The following ELMO2 variants were observed in gnomAD, a reference collection of about 807,000 sequenced individuals.
The protein encoded by ELMO2 is engulfment and cell motility protein 2.
In ELMO2, 37 loss-of-function variants were observed where a neutral mutation model predicts 96.2. That is an observed-to-expected ratio of 0.38 (90% CI 0.30 to 0.51). The LOEUF is 0.51. ELMO2 is among the 20% of genes least tolerant of loss of function. The pLI is 0.88. For synonymous variants in ELMO2, 315 were observed against 329.4 expected, an observed-to-expected ratio of 0.96 and a Z score of 0.47; for missense variants, 561 against 912.6, an observed-to-expected ratio of 0.61 and a Z score of 4.96.
At position 46,367,399 on chromosome 20, in the gene ELMO2, C is replaced by A; in HGVS notation, c.2124G>T (p.Lys708Asn). 6.2e-7 allele frequency: 1 copy of A among 1,604,488 alleles called. No homozygotes were observed. Among genetic ancestry groups the A allele is most frequent in the Non-Finnish European group, 8.5e-7 (1 of 1,175,998 alleles). The change falls in exon 22 of 22, where the codon AAG becomes AAT. Residue 708 changes from lysine (K) to asparagine (N), a missense_variant. Coordinates refer to ENST00000290246, the MANE Select transcript of ELMO2 (RefSeq NM_133171.5). ...QIPEAPPPIP[K>N]EPSSYDFVYH... Reference sequence around the variant, plus strand: ...AGACAAAGTCATAGCTGCTGGGCTCCTTGGGGATGGGGGGTGGGGCTTCGG... The same window carrying A: ...AGACAAAGTCATAGCTGCTGGGCTCATTGGGGATGGGGGGTGGGGCTTCGG...
At chr20:46,390,627 T>C (rs546228103) in intron 6 of ELMO2, 23 of 152,368 alleles carry the variant, frequency 1.5e-4, no homozygotes, top group African/African-American at 5.5e-4. Context: ...CATTACTACA[T>C]AGTGCCTCAC....
chr20:46,386,165 G>T lies in ELMO2; in HGVS notation c.636C>A (p.Ala212=), dbSNP rs201990540. 6.2e-7 allele frequency: 1 copy of T among 1,613,968 alleles called. No individual in the cohort carries two copies. Among genetic ancestry groups the T allele is most frequent in the South Asian group, 1.1e-5 (1 of 91,084 alleles). The change falls in exon 9 of 22, where the codon GCC becomes GCA. Residue 212 remains alanine, a synonymous_variant. Transcript: ENST00000290246. ...TGAGCTGTCCCACGGTGATTTCCTC[G>T]GCTATCTTCTGGTACAGACTCTGGC... ...LNSQSLYQKI[A]EEITVGQLIS...
intron 2 of ELMO2, among the ~76,000 whole-genome samples, chr20:46,398,358 G>A (rs1443875213): frequency 1.3e-5 from 2 of 151,964 alleles, no homozygotes; most frequent in African/African-American, 2.4e-5. Context: ...TGTCGCCTAG[G>A]CTGAAGTGCA....
At chr20:46,405,861 G>GA (rs1343412415) in intron 1 of ELMO2, among the ~76,000 whole-genome samples, 1 of 152,170 alleles carries the variant, frequency 6.6e-6, no homozygotes, top group Non-Finnish European at 1.5e-5. Context: ...TCCAGCCTGG[G>GA]CGGCAGAGCG....
At chr20:46,369,459 C>A (rs1027140020) in intron 20 of ELMO2, 1 of 155,080 alleles carries the variant, frequency 6.4e-6, no homozygotes. Context: ...CATTTATTCT[C>A]GTTTCCTATA....
intron 6 of ELMO2, among the ~76,000 whole-genome samples, chr20:46,391,043 C>G (rs752000677): frequency 6.6e-6 from 1 of 152,228 alleles, no homozygotes; most frequent in Admixed American, 6.5e-5. Flanking sequence ...CCTCCCGCTC[C>G]AGAGAGATGT....
At chr20:46,405,735 T>TTAGCTGG (rs2060425167) in intron 1 of ELMO2, among the ~76,000 whole-genome samples, 1 of 151,858 alleles carries the variant, frequency 6.6e-6, no homozygotes, top group African/African-American at 2.4e-5. Flanking sequence ...AATACAAAAA[T>TTAGCTGG]TAGCTGGGCG....
intron 2 of ELMO2, among the ~76,000 whole-genome samples, chr20:46,396,602 C>T (rs1470146710): frequency 3.3e-5 from 5 of 152,232 alleles, no homozygotes; most frequent in African/African-American, 9.6e-5. Flanking sequence ...TGGTTTTGTA[C>T]TTCATATAAA....
At position 46,367,455 on chromosome 20, in the gene ELMO2, G is replaced by A. The variant is rs764140896; in HGVS notation, c.2068C>T (p.Arg690Trp). Residue 690 changes from arginine (R) to tryptophan (W), a missense_variant, in exon 22 of 22, where the codon CGG becomes TGG. Arg to Trp is a moderately radical substitution (Grantham distance 101). Coordinates refer to ENST00000290246, the MANE Select transcript of ELMO2 (RefSeq NM_133171.5). ...DTLLSMEMKL[R>W]LLDLENIQIP... ...TGGATGTTCTCCAGGTCCAGGAGCC[G>A]CAGCTTCATCTCCATGCTCAGCAGG... The A allele has an allele frequency of 6.2e-7, 1 of 1,613,378 alleles. No homozygotes were observed. The highest frequency in any genetic ancestry group is 2.2e-5 in the East Asian group (1 of 44,758).
chr20:46,395,190 G>C (rs1029184312), intron 2 of ELMO2, among the ~76,000 whole-genome samples: 1 of 152,116 alleles, frequency 6.6e-6, no homozygotes, highest in Admixed American at 6.5e-5. Flanking sequence ...CCTCACACAA[G>C]GGCCCCTCTT....
chr20:46,386,845 A>G (rs1309417579), intron 8 of ELMO2, among the ~76,000 whole-genome samples: 2 of 152,210 alleles, frequency 1.3e-5, no homozygotes, highest in East Asian at 3.8e-4. Context: ...AGTATTCTGA[A>G]TTGACACTGC....
intron 6 of ELMO2, among the ~76,000 whole-genome samples, chr20:46,391,082 A>T (rs1200214322): frequency 6.6e-6 from 1 of 152,236 alleles, no homozygotes; most frequent in Non-Finnish European, 1.5e-5. Flanking sequence ...TACACTGTGC[A>T]AGAGGTCTGT....
chr20:46,386,569 A>C (rs2145818241), intron 8 of ELMO2, among the ~76,000 whole-genome samples: 1 of 152,344 alleles, frequency 6.6e-6, no homozygotes, highest in Middle Eastern at 3.4e-3. Context: ...GGTATAAAAA[A>C]GCAGAGGATT....
intron 6 of ELMO2, among the ~76,000 whole-genome samples, chr20:46,390,156 A>ACAAAT (rs1555831408): frequency 6.6e-6 from 1 of 152,172 alleles, no homozygotes; most frequent in Non-Finnish European, 1.5e-5. Context: ...CCATCTCAAA[A>ACAAAT]AAAATAAAAT....
Position 46,367,190 on chromosome 20 carries a change from CAAGAGGAA to C in ELMO2, c.*162_*169del. On this transcript the variant is annotated 3_prime_UTR_variant, in exon 22 of 22. Coordinates refer to ENST00000290246, the MANE Select transcript of ELMO2 (RefSeq NM_133171.5). ...TTCATGACTCTTAGTAGACAGGGAC[CAAGAGGAA>C]ACTCTGGGTGGTCCGAGGTGGGTTT... 1.7e-6 allele frequency: 1 copy of C among 581,620 alleles called. No individual in the cohort carries two copies. The highest frequency in any genetic ancestry group is 1.9e-5 in the African/African-American group (1 of 51,590). 36.0% of individuals were successfully genotyped at this position (581,620 alleles called of 1,614,324 possible).
At chr20:46,387,649 AAAAAT>A (rs1337364047) in intron 7 of ELMO2, 21 of 233,840 alleles carry the variant, frequency 9.0e-5, no homozygotes, top group Admixed American at 1.7e-4. Flanking sequence ...AAAAAAAAAA[AAAAAT>A]GTTGCTGGGT....
intron 9 of ELMO2, among the ~76,000 whole-genome samples, chr20:46,385,224 G>A (rs1161897925): frequency 6.6e-6 from 1 of 152,170 alleles, no homozygotes; most frequent in Non-Finnish European, 1.5e-5. Context: ...CAACAGGAGT[G>A]CCACCACTGT....
At position 46,387,451 on chromosome 20, in the gene ELMO2, A is replaced by AAC. The variant is rs1265996908; in HGVS notation, c.426-16_426-15dup. On this transcript the variant is annotated splice_polypyrimidine_tract_variant and intron_variant, in intron 7 of 21. Transcript: ENST00000290246. Reference sequence around the variant, plus strand: ...ATCTCACTGTAGCTGAGACACGTGCAACACACACACAAAATAGACAAAGAT... The same window carrying AAC: ...ATCTCACTGTAGCTGAGACACGTGCAACACACACACACAAAATAGACAAAGAT... The AAC allele has an allele frequency of 2.5e-6, 4 of 1,601,668 alleles. No homozygotes were observed. Among genetic ancestry groups the AAC allele is most frequent in the Non-Finnish European group, 2.6e-6 (3 of 1,169,022 alleles).
rs1400178698 is a variant in ELMO2 at position 46,371,487 on chromosome 20, G to A, written c.1694-28C>T. The A allele has an allele frequency of 1.9e-6, 3 of 1,613,604 alleles. No homozygotes were observed. Among genetic ancestry groups the A allele is most frequent in the Non-Finnish European group, 2.5e-6 (3 of 1,179,614 alleles). ...GGAACACAAGGGAAGCCAAACAGGT[G>A]AGCAACGACAGTACTGGGAAAGGCC... On this transcript the variant is annotated intron_variant, in intron 18 of 21. Coordinates refer to ENST00000290246, the MANE Select transcript of ELMO2 (RefSeq NM_133171.5). This position sits in a 1 kb window ranked among gnomAD's most constrained non-coding sequence, Gnocchi z 5.9.
Sources: gnomAD v4.1 joint callset for allele counts (sites outside exome capture counted in the v4.1 genomes callset) on GRCh38, gnomAD v4.1.1 for gene constraint, Gnocchi (gnomAD v3.1) non-coding constraint, MANE v1.5 for transcripts, NCBI Gene and HGNC (gene_info 2026-07-23, HGNC 2026-07-21) for gene names.